Variants in CERS6 observed in about 807,000 individuals in gnomAD.
CERS6 encodes ceramide synthase 6.
A neutral mutation model predicts 56.8 loss-of-function variants in CERS6; 26 were observed. The observed-to-expected ratio is 0.46, with a 90% CI of 0.34 to 0.63. The LOEUF (loss-of-function observed/expected upper bound fraction) is 0.63, where lower values mean the gene tolerates loss of function less well. Ranked by LOEUF, CERS6 falls within the 30% of genes least tolerant of loss-of-function variation. The pLI, the probability that CERS6 is intolerant of heterozygous loss-of-function variation, is 0.01. For synonymous variants in CERS6, 164 were observed against 173.3 expected, an observed-to-expected ratio of 0.95 and a Z score of 0.42; for missense variants, 415 against 467.5, an observed-to-expected ratio of 0.89 and a Z score of 1.04.
rs764526926 is a variant in CERS6 at position 168,694,960 on chromosome 2, C to T, written c.518C>T (p.Pro173Leu). ...RHCWYNYPYQ[P>L]LTTDLHYYYI... ...TCCTTTTTTTTCTTTCACCTTCAGC[C>T]ACTCACAACTGACCTTCACTACTAT... The change falls in exon 6 of 10, where the codon CCA becomes CTA. Residue 173 changes from proline to leucine, a missense_variant and splice_region_variant. Pro to Leu is a moderately conservative substitution (Grantham distance 98). Transcript: ENST00000305747. 1 of 1,611,822 alleles carries T rather than the reference C, an allele frequency of 6.2e-7. No individual in the cohort carries two copies. Among genetic ancestry groups the T allele is most frequent in the East Asian group, 2.2e-5 (1 of 44,860 alleles).
intron 2 of CERS6, among the ~76,000 whole-genome samples, chr2:168,552,377 C>T (rs1182924102): frequency 8.0e-6 from 1 of 124,604 alleles, no homozygotes; most frequent in African/African-American, 2.8e-5. Flanking sequence ...CACACACACA[C>T]ACACACACAC....
intron 6 of CERS6, among the ~76,000 whole-genome samples, chr2:168,714,322 C>T (rs1252817964): frequency 2.6e-5 from 4 of 152,198 alleles, no homozygotes; most frequent in Admixed American, 2.6e-4. Flanking sequence ...TGCTATGTGG[C>T]TTATCAACCC....
At chr2:168,639,275 C>T (rs1684933280) in intron 4 of CERS6, among the ~76,000 whole-genome samples, 1 of 152,186 alleles carries the variant, frequency 6.6e-6, no homozygotes, top group Admixed American at 6.5e-5. Flanking sequence ...CCTCCTGTTT[C>T]TACCATGGGA....
intron 4 of CERS6, among the ~76,000 whole-genome samples, 170 bp downstream of exon 4, chr2:168,631,212 A>G (rs1042812124): frequency 6.6e-6 from 1 of 150,960 alleles, no homozygotes; most frequent in Non-Finnish European, 1.5e-5. Context: ...GATGTTGCTA[A>G]GTCCCATAGT....
chr2:168,766,182 T>C, intron 9 of CERS6: 1 of 731,252 alleles, frequency 1.4e-6, no homozygotes, highest in East Asian at 2.6e-5. Flanking sequence ...TCTTTTTGGT[T>C]AAAAGTGGAC....
intron 8 of CERS6, among the ~76,000 whole-genome samples, chr2:168,734,196 GC>G (rs951357880): frequency 2.6e-5 from 4 of 152,098 alleles, no homozygotes; most frequent in African/African-American, 9.7e-5. Flanking sequence ...TGGGCGGTGA[GC>G]AAAAAGAGAT....
At chr2:168,542,721 T>A (rs540177652) in intron 1 of CERS6, among the ~76,000 whole-genome samples, 2 of 151,334 alleles carry the variant, frequency 1.3e-5, no homozygotes, top group East Asian at 3.9e-4. Flanking sequence ...TTTTTGGAGA[T>A]GGAGTTGTGC....
chr2:168,766,237 C>A, intron 9 of CERS6: 1 of 1,279,458 alleles, frequency 7.8e-7, no homozygotes, highest in Non-Finnish European at 1.1e-6. Flanking sequence ...AGCCCCAACC[C>A]TGTGTGTAGA....
intron 3 of CERS6, among the ~76,000 whole-genome samples, chr2:168,624,039 A>G (rs1485965473): frequency 6.6e-6 from 1 of 152,178 alleles, no homozygotes; most frequent in African/African-American, 2.4e-5. Context: ...GCAGGATTAG[A>G]TGCCTCTGAT....
At chr2:168,757,357 G>GAA (rs11332737) in intron 8 of CERS6, among the ~76,000 whole-genome samples, 20 of 113,158 alleles carry the variant, frequency 1.8e-4, no homozygotes, top group Middle Eastern at 4.4e-3. Context: ...ACTTTTGGAG[G>GAA]AAAAAAAAAA....
At chr2:168,608,701 C>G (rs1684112931) in intron 3 of CERS6, among the ~76,000 whole-genome samples, 1 of 152,150 alleles carries the variant, frequency 6.6e-6, no homozygotes, top group East Asian at 1.9e-4. Flanking sequence ...ATCTTTTGCA[C>G]ATTTTAAAGT....
chr2:168,602,305 C>T (rs1225097082), intron 3 of CERS6, among the ~76,000 whole-genome samples: 2 of 152,084 alleles, frequency 1.3e-5, no homozygotes, highest in African/African-American at 4.8e-5. Flanking sequence ...CTGAGTGCAA[C>T]TAAGATAAAG....
intron 6 of CERS6, among the ~76,000 whole-genome samples, chr2:168,695,868 G>C (rs537730551): frequency 6.6e-6 from 1 of 152,224 alleles, no homozygotes; most frequent in African/African-American, 2.4e-5. Flanking sequence ...TTCCACATCT[G>C]TAGTCACAGA....
At chr2:168,533,553 C>T (rs1359290165) in intron 1 of CERS6, among the ~76,000 whole-genome samples, 7 of 152,142 alleles carry the variant, frequency 4.6e-5, no homozygotes, top group Non-Finnish European at 8.8e-5. Context: ...TTTGCCCATT[C>T]GGTATGATGA....
chr2:168,596,712 C>T (rs1423844206), intron 3 of CERS6, among the ~76,000 whole-genome samples: 1 of 151,992 alleles, frequency 6.6e-6, no homozygotes, highest in Admixed American at 6.6e-5. Flanking sequence ...TGCCACCATA[C>T]CCGGCAAATT....
chr2:168,601,094 C>T (rs1294194742), intron 3 of CERS6, among the ~76,000 whole-genome samples: 1 of 152,216 alleles, frequency 6.6e-6, no homozygotes, highest in African/African-American at 2.4e-5. Flanking sequence ...ACTTATTACA[C>T]TTCAGCCTAC....
intron 1 of CERS6, among the ~76,000 whole-genome samples, chr2:168,496,813 C>T (rs1694479799): frequency 6.6e-6 from 1 of 152,112 alleles, no homozygotes; most frequent in Admixed American, 6.6e-5. Flanking sequence ...TAGTTTGGGG[C>T]TTCCATTTAA....
chr2:168,736,353 A>G (rs941394024), intron 8 of CERS6, among the ~76,000 whole-genome samples: 1 of 152,126 alleles, frequency 6.6e-6, no homozygotes, highest in Non-Finnish European at 1.5e-5. Context: ...AAAAGACAGA[A>G]TCTTGCTCTG....
intron 1 of CERS6, among the ~76,000 whole-genome samples, chr2:168,546,099 G>A (rs1203944678): frequency 2.6e-5 from 4 of 152,194 alleles, no homozygotes; most frequent in African/African-American, 4.8e-5. Flanking sequence ...AAGGAAACAA[G>A]TTCTAGACTC....
Sources: allele counts gnomAD v4.1 joint callset (sites outside exome capture counted in the v4.1 genomes callset), GRCh38; gene constraint gnomAD v4.1.1; transcripts MANE v1.5; gene names NCBI Gene and HGNC (gene_info 2026-07-23, HGNC 2026-07-21).